Variants in MARCHF1 observed in about 807,000 individuals in gnomAD.
MARCHF1 encodes membrane associated ring-CH-type finger 1.
MARCHF1 carries 40 observed loss-of-function variants against 54.2 expected under a neutral mutation model. The observed-to-expected ratio is 0.74, with a 90% CI of 0.57 to 0.96. The LOEUF (loss-of-function observed/expected upper bound fraction) is 0.96, where lower values mean the gene tolerates loss of function less well. Ranked by LOEUF, MARCHF1 falls within the 40% of genes least tolerant of loss-of-function variation. The pLI, the probability that MARCHF1 is intolerant of heterozygous loss-of-function variation, is 0.00. For missense variants in MARCHF1, 586 were observed against 656.5 expected (o/e 0.89, Z 1.17); for synonymous variants, 236 against 236.3 (o/e 1.00, Z 0.01).
At chr4:164,293,712 G>T (rs1480338769) in intron 1 of MARCHF1, among the ~76,000 whole-genome samples, 1 of 152,186 alleles carries the variant, frequency 6.6e-6, no homozygotes. Context: ...CTAGCACATA[G>T]AATCGAGTGA....
At chr4:164,248,810 T>A (rs1733036101) in intron 1 of MARCHF1, among the ~76,000 whole-genome samples, 1 of 151,992 alleles carries the variant, frequency 6.6e-6, no homozygotes, top group Non-Finnish European at 1.5e-5. Context: ...TATTTCTTCC[T>A]ATAATCAGAA....
chr4:163,992,044 T>A (rs1016907249), intron 2 of MARCHF1, among the ~76,000 whole-genome samples: 1 of 109,030 alleles, frequency 9.2e-6, no homozygotes, highest in African/African-American at 3.6e-5. Context: ...TAAGACCAGC[T>A]TGATCTTTGT....
At chr4:164,125,609 A>G (rs1756162647) in intron 1 of MARCHF1, among the ~76,000 whole-genome samples, 1 of 152,204 alleles carries the variant, frequency 6.6e-6, no homozygotes, top group African/African-American at 2.4e-5. Context: ...AACTCAGTAC[A>G]TAGTAACCTT....
chr4:164,090,654 G>C (rs919566413), intron 2 of MARCHF1, among the ~76,000 whole-genome samples: 1 of 151,922 alleles, frequency 6.6e-6, no homozygotes, highest in Non-Finnish European at 1.5e-5. Context: ...CAAAATCTGG[G>C]TAAAATTTAA....
At chr4:164,200,948 C>T (rs1178971665) in intron 1 of MARCHF1, among the ~76,000 whole-genome samples, 2 of 151,778 alleles carry the variant, frequency 1.3e-5, no homozygotes, top group East Asian at 1.9e-4. Flanking sequence ...ACCAAGACCA[C>T]GAGGTGGAAA....
chr4:163,960,511 T>C (rs1000985334), intron 3 of MARCHF1, among the ~76,000 whole-genome samples: 1 of 151,930 alleles, frequency 6.6e-6, no homozygotes, highest in Non-Finnish European at 1.5e-5. Context: ...TGAGGGAACA[T>C]GGGTAGAACT....
At chr4:163,770,624 C>G (rs1747131114) in intron 4 of MARCHF1, among the ~76,000 whole-genome samples, 2 of 50,694 alleles carry the variant, frequency 3.9e-5, no homozygotes, top group East Asian at 9.3e-4. Flanking sequence ...TATACAGACT[C>G]TGAGAGTTTC....
At chr4:163,599,854 C>G (rs568382822) in intron 7 of MARCHF1, among the ~76,000 whole-genome samples, 2 of 152,158 alleles carry the variant, frequency 1.3e-5, no homozygotes, top group Admixed American at 6.6e-5. Context: ...GGGCTTCCCC[C>G]GCAAAGGGTC....
rs537589793 is a variant in MARCHF1 at position 163,635,731 on chromosome 4, C to G, written c.163-22338G>C. 2.6e-4 allele frequency among the ~76,000 whole-genome samples: 39 copies of G among 152,136 alleles called. No homozygotes were observed. The East Asian group carries it at 7.4e-3, about 29-fold the overall frequency. ...TCAATAGAAAAAGAGGGAATCCTCCCTAACTCATTTCATGAGGCCAGCATC... is the reference window on the plus strand; with the variant it reads ...TCAATAGAAAAAGAGGGAATCCTCCGTAACTCATTTCATGAGGCCAGCATC... On this transcript the variant is annotated intron_variant, in intron 5 of 9. Coordinates refer to ENST00000514618, the MANE Select transcript of MARCHF1 (RefSeq NM_001394959.1).
chr4:164,360,037 A>C (rs1400785064), intron 1 of MARCHF1, among the ~76,000 whole-genome samples: 1 of 152,076 alleles, frequency 6.6e-6, no homozygotes, highest in Non-Finnish European at 1.5e-5. Context: ...CCGCGCAATC[A>C]GTATGCGGGC....
At chr4:164,220,882 A>C (rs555753800) in intron 1 of MARCHF1, among the ~76,000 whole-genome samples, 1 of 151,374 alleles carries the variant, frequency 6.6e-6, no homozygotes, top group Admixed American at 6.6e-5. Context: ...ATTTAAAAAA[A>C]CAAAACAGTA....
At chr4:164,057,633 T>G (rs184787690) in intron 2 of MARCHF1, among the ~76,000 whole-genome samples, 13 of 152,258 alleles carry the variant, frequency 8.5e-5, no homozygotes, top group Non-Finnish European at 1.5e-5. Context: ...GCAACTATAT[T>G]GGGTCAAGAG....
chr4:164,339,594 G>T lies in MARCHF1; in HGVS notation c.-323+44276C>A, dbSNP rs148174106. Among the ~76,000 whole-genome samples, 50 of 151,968 alleles carry T rather than the reference G, an allele frequency of 3.3e-4. No homozygotes were observed. The East Asian group carries it at 8.9e-3, about 27-fold the overall frequency. ...GCAGTTATAAGAGGGAAGTTTACAG[G>T]GATAAATGCCTACATGAATAAAAAA... On this transcript the variant is annotated intron_variant, in intron 1 of 9. Transcript: ENST00000514618.
intron 3 of MARCHF1, among the ~76,000 whole-genome samples, chr4:163,895,640 C>G (rs1750788453): frequency 6.6e-6 from 1 of 152,160 alleles, no homozygotes; most frequent in Non-Finnish European, 1.5e-5. Flanking sequence ...CTGCCTGCAC[C>G]ACAAACTTAG....
chr4:164,124,754 TAGA>T (rs1276829763), intron 1 of MARCHF1, among the ~76,000 whole-genome samples: 1 of 151,548 alleles, frequency 6.6e-6, no homozygotes, highest in African/African-American at 2.4e-5. Flanking sequence ...ACACAGAGAG[TAGA>T]AGGATTGTTA....
chr4:163,903,519 GATAAAC>G (rs1250388320), intron 3 of MARCHF1, among the ~76,000 whole-genome samples: 1 of 152,054 alleles, frequency 6.6e-6, no homozygotes, highest in African/African-American at 2.4e-5. Context: ...AAATACTAGT[GATAAAC>G]ATAAAGTTTA....
chr4:163,744,637 A>C (rs1417642869), intron 4 of MARCHF1, among the ~76,000 whole-genome samples: 1 of 152,192 alleles, frequency 6.6e-6, no homozygotes, highest in African/African-American at 2.4e-5. Context: ...CTTTTTTCTT[A>C]ATCGTGCATT....
intron 1 of MARCHF1, among the ~76,000 whole-genome samples, chr4:164,322,911 A>G (rs1249818337): frequency 1.3e-5 from 2 of 152,020 alleles, no homozygotes; most frequent in Non-Finnish European, 2.9e-5. Flanking sequence ...ATACCTAAAT[A>G]TGATTGCTAA....
At chr4:164,079,021 C>T (rs1755037067) in intron 2 of MARCHF1, among the ~76,000 whole-genome samples, 1 of 152,106 alleles carries the variant, frequency 6.6e-6, no homozygotes, top group South Asian at 2.1e-4. Context: ...CTCATTATTA[C>T]TTTACTTTGC....
Sources: allele counts gnomAD v4.1 joint callset (sites outside exome capture counted in the v4.1 genomes callset), GRCh38; gene constraint gnomAD v4.1.1; transcripts MANE v1.5; gene names NCBI Gene and HGNC (gene_info 2026-07-23, HGNC 2026-07-21).